The following EP400 variants were observed in gnomAD, a reference collection of about 807,000 sequenced individuals.
The protein encoded by EP400 is E1A binding protein p400.
Under a neutral mutation model 354.1 loss-of-function variants are expected in EP400, and 105 were observed. The ratio of observed to expected loss-of-function variants is 0.30; its 90% CI spans 0.25 to 0.35. The LOEUF is 0.35. EP400 is among the 10% of genes least tolerant of loss of function. The pLI, the probability that EP400 is intolerant of heterozygous loss-of-function variation, is 1.00. For synonymous variants in EP400, 1,646 were observed against 1,716.9 expected (o/e 0.96, Z 1.02); for missense variants, 3,280 against 4,121.0 (o/e 0.80, Z 5.59).
chr12:132,073,793 A>G (rs1418036637), intron 51 of EP400, among the ~76,000 whole-genome samples: 1 of 151,222 alleles, frequency 6.6e-6, no homozygotes, highest in Admixed American at 6.6e-5. Context: ...ATGTGGAATT[A>G]CTTTCCTTCC....
Position 132,078,554 on chromosome 12 carries a change from AC to A in EP400, c.*883del, listed in dbSNP as rs1279795776. The A allele has an allele frequency of 1.1e-4, 17 of 152,426 alleles. No individual in the cohort carries two copies. The highest frequency in any genetic ancestry group is 6.5e-4 in the Admixed American group (10 of 15,310). 9.4% of individuals were successfully genotyped at this position (152,426 alleles called of 1,614,324 possible). On this transcript the variant is annotated 3_prime_UTR_variant, in exon 53 of 53. Coordinates refer to ENST00000389561, the MANE Select transcript of EP400 (RefSeq NM_015409.5). ...CCATGGCTGGCGTGAGGCCCAGAGG[AC>A]CACGCAGAGGCAATGGTAGTACAGA...
At position 132,029,199 on chromosome 12, in the gene EP400, C is replaced by T. The variant is rs952851936; in HGVS notation, c.5382-502C>T. 2 of 160,984 alleles carry T rather than the reference C, an allele frequency of 1.2e-5. No homozygotes were observed. The highest frequency in any genetic ancestry group is 1.4e-5 in the Non-Finnish European group (1 of 73,498). 10.0% of individuals were successfully genotyped at this position (160,984 alleles called of 1,614,324 possible). A position where few individuals can be genotyped will look rare whatever the true frequency, so the allele number is the denominator to read the frequency against. Reference sequence around the variant, plus strand: ...TCATAGTTGATGTCCATAGCAAGGGCCTTCTGGTGCAGGTGACCTCCACAG... The same window carrying T: ...TCATAGTTGATGTCCATAGCAAGGGTCTTCTGGTGCAGGTGACCTCCACAG... On this transcript the variant is annotated intron_variant, in intron 27 of 52. Coordinates refer to ENST00000389561, the MANE Select transcript of EP400 (RefSeq NM_015409.5). The surrounding 1 kb of genome is among the most constrained non-coding windows in gnomAD (Gnocchi z 4.7).
At position 132,062,718 on chromosome 12, in the gene EP400, GGACCAT is replaced by G. The variant is rs746483792; in HGVS notation, c.8334+20_8334+25del. ...CTGACGCCGGTGAGCATTTCCCAGA[GGACCAT>G]GAACGTGTGCGTCTTGCGGTCAGTC... On this transcript the variant is annotated intron_variant, in intron 47 of 52. Transcript: ENST00000389561. The G allele has an allele frequency of 6.2e-7, 1 of 1,611,988 alleles. No individual in the cohort carries two copies. The highest frequency in any genetic ancestry group is 2.2e-5 in the East Asian group (1 of 44,828).
intron 2 of EP400, among the ~76,000 whole-genome samples, chr12:131,972,698 G>A (rs1295720339): frequency 4.8e-4 from 70 of 144,838 alleles, no homozygotes; most frequent in Non-Finnish European, 5.1e-4. Flanking sequence ...TGAATAATTC[G>A]CCATAATTTT....
chr12:131,950,585 G>A (rs1006077815), intron 1 of EP400, among the ~76,000 whole-genome samples: 1 of 152,076 alleles, frequency 6.6e-6, no homozygotes, highest in African/African-American at 2.4e-5. Flanking sequence ...GTTACAGTGA[G>A]GTCCGAATCC....
At position 132,013,465 on chromosome 12, in the gene EP400, G is replaced by T. The variant is rs779742412; in HGVS notation, c.3612-25G>T. 6.5e-7 allele frequency: 1 copy of T among 1,533,184 alleles called. No individual in the cohort carries two copies. Among genetic ancestry groups the T allele is most frequent in the Non-Finnish European group, 8.8e-7 (1 of 1,139,924 alleles). The allele number at this position is 1,533,184 out of a possible 1,614,324, so 95.0% of individuals were successfully genotyped here. A position where few individuals can be genotyped will look rare whatever the true frequency, so the allele number is the denominator to read the frequency against. On this transcript the variant is annotated intron_variant, in intron 17 of 52. Coordinates refer to ENST00000389561, the MANE Select transcript of EP400 (RefSeq NM_015409.5). This position sits in a 1 kb window ranked among gnomAD's most constrained non-coding sequence, Gnocchi z 4.5. ...CCAGCCCCGTGGCTGTAGAACTCCA[G>T]TGTTGTCTCTTGTCCTGTTTGCAGC... is the stretch of plus-strand genomic sequence containing the variant.
At position 132,013,807 on chromosome 12, in the gene EP400, AAGAG is replaced by A. The variant is rs1893838512; in HGVS notation, c.3821_3824del (p.Arg1274MetfsTer6). The A allele has an allele frequency of 1.2e-6, 2 of 1,614,126 alleles. No individual in the cohort carries two copies. Among genetic ancestry groups the A allele is most frequent in the Admixed American group, 1.7e-5 (1 of 60,006 alleles). On this transcript the variant is annotated frameshift_variant, in exon 19 of 53. Transcript: ENST00000389561. LOFTEE classifies it high-confidence loss of function. The surrounding 1 kb of genome is among the most constrained non-coding windows in gnomAD (Gnocchi z 4.5). ...ACAGCCATTTATTTTGAGGAGAACT[AAGAG>A]AGATGTGGAAAAGCAACTAACAAAG... is the stretch of plus-strand genomic sequence containing the variant.
Position 132,038,842 on chromosome 12 carries a change from C to T in EP400, c.6207+746C>T, listed in dbSNP as rs1403890394. On this transcript the variant is annotated intron_variant, in intron 32 of 52. Coordinates refer to ENST00000389561, the MANE Select transcript of EP400 (RefSeq NM_015409.5). This position sits in a 1 kb window ranked among gnomAD's most constrained non-coding sequence, Gnocchi z 4.2. ...GCTGCCTTTGTTCTCTGAGTCCCCT[C>T]CTCCTTCATGTGGCCCTGCCACTCC... 1.3e-5 allele frequency among the ~76,000 whole-genome samples: 2 copies of T among 152,222 alleles called. No individual in the cohort carries two copies. Among genetic ancestry groups the T allele is most frequent in the African/African-American group, 2.4e-5 (1 of 41,452 alleles).
At chr12:131,981,692 GT>G in intron 4 of EP400, 96 bp downstream of exon 4, 1 of 1,088,868 alleles carries the variant, frequency 9.2e-7, no homozygotes. Flanking sequence ...GGCAGTGGAG[GT>G]AGCGTGTTTG....
chr12:132,062,617 G>A lies in EP400; in HGVS notation c.8250G>A (p.Thr2750=), dbSNP rs55938102. The A allele has an allele frequency of 0.049, 79,082 of 1,613,630 alleles. 5,138 individuals are homozygous for A. Among genetic ancestry groups the A allele is most frequent in the African/African-American group, 0.3 (22,394 of 74,870 alleles). ...QQQQQQQQQT[T]TTSQVQVPQI... is the part of the protein sequence containing the mutation. ...AACAGCAGCAGCAGCAACAGACGAC[G>A]ACGACCTCTCAGGTGCAAGTTCCAC... Residue 2750 remains threonine, a synonymous_variant, in exon 47 of 53, where the codon ACG becomes ACA. Coordinates refer to ENST00000389561, the MANE Select transcript of EP400 (RefSeq NM_015409.5).
intron 23 of EP400, among the ~76,000 whole-genome samples, chr12:132,021,982 C>T (rs1054624029): frequency 1.3e-5 from 2 of 152,128 alleles, no homozygotes; most frequent in Non-Finnish European, 2.9e-5. Flanking sequence ...TTCTCAAGTG[C>T]CACCTCAACT....
chr12:132,016,334 G>A (rs1333878249), intron 19 of EP400, among the ~76,000 whole-genome samples: 2 of 151,944 alleles, frequency 1.3e-5, no homozygotes, highest in South Asian at 2.1e-4. Context: ...TCCAGGCGCC[G>A]TCTCTCCTGT....
chr12:132,072,928 C>T (rs1284454486), intron 51 of EP400, among the ~76,000 whole-genome samples: 1 of 152,238 alleles, frequency 6.6e-6, no homozygotes, highest in Admixed American at 6.5e-5. Context: ...CTATTCTCCT[C>T]ACATGAGTAA....
intron 25 of EP400, among the ~76,000 whole-genome samples, chr12:132,026,855 A>G (rs1390600115): frequency 2.0e-5 from 3 of 152,178 alleles, no homozygotes; most frequent in East Asian, 3.9e-4. Context: ...CTTTGACCAC[A>G]TCTTTGTAGG....
chr12:132,000,677 G>A (rs767608152), intron 12 of EP400, among the ~76,000 whole-genome samples: 18 of 152,042 alleles, frequency 1.2e-4, no homozygotes, highest in South Asian at 4.1e-4. Flanking sequence ...ATCCTATTAC[G>A]TCATCAGTTT....
At chr12:132,006,935 A>G in intron 15 of EP400, 58 bp downstream of exon 15, 4 of 1,591,592 alleles carry the variant, frequency 2.5e-6, no homozygotes, top group Non-Finnish European at 3.4e-6. Flanking sequence ...CCTATAGGCC[A>G]GTGTGTTTGA....
At chr12:132,011,014 C>T (rs986107711) in intron 15 of EP400, among the ~76,000 whole-genome samples, 25 of 152,156 alleles carry the variant, frequency 1.6e-4, no homozygotes, top group African/African-American at 5.8e-4. Flanking sequence ...TTTGGATGTG[C>T]CCTGACTAAA....
At chr12:131,988,822 C>CT (rs1892943095) in intron 7 of EP400, among the ~76,000 whole-genome samples, 1 of 152,274 alleles carries the variant, frequency 6.6e-6, no homozygotes, top group Middle Eastern at 3.4e-3. Context: ...TTTCTGTACT[C>CT]TTAACGCTAT....
At chr12:131,985,762 C>T (rs145234976) in intron 5 of EP400, among the ~76,000 whole-genome samples, 4 of 152,256 alleles carry the variant, frequency 2.6e-5, no homozygotes, top group East Asian at 3.9e-4. Flanking sequence ...GCATGTGCCA[C>T]CATGCCCGGC....
Sources: allele counts gnomAD v4.1 joint callset (sites outside exome capture counted in the v4.1 genomes callset), GRCh38; gene constraint gnomAD v4.1.1; non-coding constraint Gnocchi (gnomAD v3.1); transcripts MANE v1.5; gene names NCBI Gene and HGNC (gene_info 2026-07-23, HGNC 2026-07-21).